Variants in MNAT1 observed in about 807,000 individuals in gnomAD.
The protein encoded by MNAT1 is CDK-activating kinase assembly factor MAT1.
A neutral mutation model predicts 42.0 loss-of-function variants in MNAT1; 43 were observed. That is an observed-to-expected ratio of 1.02 (90% CI 0.80 to 1.32). MNAT1 has a LOEUF of 1.32. Among genes scored for constraint, MNAT1 ranks in the 40% most tolerant of loss-of-function variants. The pLI is 0.00. For missense variants in MNAT1, 306 were observed against 350.4 expected, an observed-to-expected ratio of 0.87 and a Z score of 1.01; for synonymous variants, 118 against 120.0, an observed-to-expected ratio of 0.98 and a Z score of 0.11.
intron 1 of MNAT1, among the ~76,000 whole-genome samples, chr14:60,774,802 T>C (rs1408496856): frequency 6.6e-6 from 1 of 152,184 alleles, no homozygotes; most frequent in South Asian, 2.1e-4. Flanking sequence ...TTAGCAACTA[T>C]GTGGATTGTG....
At chr14:60,891,683 C>T (rs2034847820) in intron 7 of MNAT1, among the ~76,000 whole-genome samples, 3 of 152,134 alleles carry the variant, frequency 2.0e-5, no homozygotes. Flanking sequence ...GAACTCCTGA[C>T]TTCAAGTGAT....
chr14:60,871,204 GATTGTTTCC>G (rs2034317253), intron 6 of MNAT1, among the ~76,000 whole-genome samples: 1 of 152,184 alleles, frequency 6.6e-6, no homozygotes, highest in Non-Finnish European at 1.5e-5. Flanking sequence ...TGGACATTTA[GATTGTTTCC>G]ACTATTTGGC....
intron 3 of MNAT1, among the ~76,000 whole-genome samples, chr14:60,801,492 G>A (rs1038418225): frequency 2.6e-5 from 4 of 152,156 alleles, no homozygotes; most frequent in African/African-American, 9.7e-5. Context: ...AGTCAACTCA[G>A]TAGCAAGAAA....
In MNAT1 at chr14:60,811,298, C is replaced by CT. The variant is rs569520885; in HGVS notation, c.421-667dup. ...TTTAGGGCTCTTATTTCTATTCTTT[C>CT]TTTTTTTTTTTTTTTTTTTTTTGAG... is the stretch of plus-strand genomic sequence containing the variant. On this transcript the variant is annotated intron_variant, in intron 4 of 7. Coordinates refer to ENST00000261245, the MANE Select transcript of MNAT1 (RefSeq NM_002431.4). 1.6e-3 allele frequency among the ~76,000 whole-genome samples: 132 copies of CT among 80,212 alleles called. 2 individuals carry two copies. Among genetic ancestry groups the CT allele is most frequent in the African/African-American group, 4.7e-3 (98 of 20,994 alleles). The allele number at this position is 80,212 out of a possible 152,430, so 52.6% of individuals were successfully genotyped here.
chr14:60,886,947 G>C (rs1335026048), intron 7 of MNAT1, among the ~76,000 whole-genome samples: 1 of 152,036 alleles, frequency 6.6e-6, no homozygotes, highest in East Asian at 1.9e-4. Context: ...TTGGGGTCAG[G>C]CAAAAACTGA....
intron 1 of MNAT1, among the ~76,000 whole-genome samples, chr14:60,782,989 G>A (rs950617542): frequency 6.6e-6 from 1 of 152,094 alleles, no homozygotes; most frequent in Non-Finnish European, 1.5e-5. Flanking sequence ...CTTCTTTATA[G>A]TATGGCTTTA....
At chr14:60,771,318 CT>C (rs1010678057) in intron 1 of MNAT1, among the ~76,000 whole-genome samples, 32 of 151,918 alleles carry the variant, frequency 2.1e-4, no homozygotes, top group African/African-American at 7.5e-4. Context: ...CCTTTTCATG[CT>C]TTTTGGTAGT....
chr14:60,895,270 C>T (rs954059876), intron 7 of MNAT1, among the ~76,000 whole-genome samples: 1 of 152,022 alleles, frequency 6.6e-6, no homozygotes, highest in African/African-American at 2.4e-5. Flanking sequence ...TTACTGTAGA[C>T]CTAAAAATAT....
intron 1 of MNAT1, among the ~76,000 whole-genome samples, chr14:60,772,054 T>C (rs1382484269): frequency 1.3e-5 from 2 of 152,188 alleles, no homozygotes; most frequent in Non-Finnish European, 2.9e-5. Flanking sequence ...TTTAGATGAA[T>C]TAAAGAGCGC....
At chr14:60,840,100 G>A (rs891161312) in intron 6 of MNAT1, among the ~76,000 whole-genome samples, 2 of 152,208 alleles carry the variant, frequency 1.3e-5, no homozygotes, top group Non-Finnish European at 2.9e-5. Flanking sequence ...GTTTTTCCAA[G>A]TTTTAAATTA....
intron 7 of MNAT1, among the ~76,000 whole-genome samples, chr14:60,908,044 G>A (rs1196667614): frequency 1.3e-5 from 2 of 151,992 alleles, no homozygotes; most frequent in Non-Finnish European, 2.9e-5. Context: ...AACATCTATT[G>A]AACATAACTA....
chr14:60,962,949 T>A (rs2036621788), intron 7 of MNAT1, among the ~76,000 whole-genome samples: 1 of 152,088 alleles, frequency 6.6e-6, no homozygotes, highest in Non-Finnish European at 1.5e-5. Flanking sequence ...GTTTGTTACA[T>A]TTTTGTTTGG....
At chr14:60,894,076 A>C (rs1009613171) in intron 7 of MNAT1, among the ~76,000 whole-genome samples, 1 of 152,146 alleles carries the variant, frequency 6.6e-6, no homozygotes, top group East Asian at 1.9e-4. Flanking sequence ...TCTTGGGCAC[A>C]GGGCTGTTTC....
intron 7 of MNAT1, chr14:60,919,403 G>A (rs939785682): frequency 6.4e-6 from 1 of 156,658 alleles, no homozygotes; most frequent in Non-Finnish European, 1.5e-5. Flanking sequence ...TGCACATCAT[G>A]AAGCTAATCT....
At chr14:60,899,901 T>G (rs1278061146) in intron 7 of MNAT1, among the ~76,000 whole-genome samples, 1 of 152,128 alleles carries the variant, frequency 6.6e-6, no homozygotes, top group Non-Finnish European at 1.5e-5. Flanking sequence ...GACTTTTGCA[T>G]GATTTTATCT....
At position 60,880,320 on chromosome 14, in the gene MNAT1, A is replaced by G. The variant is rs561919197; in HGVS notation, c.809+485A>G. On this transcript the variant is annotated intron_variant, in intron 7 of 7. Transcript: ENST00000261245. ...CCCTGTGGTTCAACAGTCATATTAT[A>G]TATATCCATTCTGGAAATGAACCTG... Among the ~76,000 whole-genome samples, 20 of 152,290 alleles carry G rather than the reference A, an allele frequency of 1.3e-4. 1 individual carries two copies. The Middle Eastern group carries it at 0.024, about 181-fold the overall frequency.
intron 1 of MNAT1, among the ~76,000 whole-genome samples, chr14:60,743,793 T>C (rs1180535031): frequency 6.6e-6 from 1 of 152,242 alleles, no homozygotes; most frequent in Non-Finnish European, 1.5e-5. Flanking sequence ...TACTCATATC[T>C]CTTTCTCCCT....
intron 6 of MNAT1, among the ~76,000 whole-genome samples, chr14:60,837,295 G>T (rs1316777602): frequency 2.0e-5 from 3 of 152,216 alleles, no homozygotes; most frequent in Non-Finnish European, 4.4e-5. Context: ...AGCTAGCTCA[G>T]TGTCTGCCCA....
At chr14:60,817,771 G>T (rs1368553543) in intron 5 of MNAT1, among the ~76,000 whole-genome samples, 1 of 151,910 alleles carries the variant, frequency 6.6e-6, no homozygotes, top group African/African-American at 2.4e-5. Flanking sequence ...AACATCTATA[G>T]CCTCTTTGAA....
Sources: gnomAD v4.1 joint callset for allele counts (sites outside exome capture counted in the v4.1 genomes callset) on GRCh38, gnomAD v4.1.1 for gene constraint, MANE v1.5 for transcripts, NCBI Gene and HGNC (gene_info 2026-07-23, HGNC 2026-07-21) for gene names.